Variants in SAXO1 observed in about 807,000 individuals in gnomAD.
SAXO1 encodes stabilizer of axonemal microtubules 1, also known as 4930500O09Rik.
Under a neutral mutation model 17.5 loss-of-function variants are expected in SAXO1, and 21 were observed. The ratio of observed to expected loss-of-function variants is 1.20; its 90% CI spans 0.85 to 1.72. SAXO1 has a LOEUF of 1.72. SAXO1 is among the 40% of genes most tolerant of loss of function. The probability of loss-of-function intolerance (pLI) is 0.00; values close to 1 mark genes in which losing one functional copy is unlikely to be tolerated. For synonymous variants in SAXO1, 274 were observed against 216.5 expected, an observed-to-expected ratio of 1.27 and a Z score of -2.33; for missense variants, 843 against 596.0, an observed-to-expected ratio of 1.41 and a Z score of -4.32.
chr9:18,987,703 A>T (rs1833652042), intron 1 of SAXO1, among the ~76,000 whole-genome samples: 1 of 152,116 alleles, frequency 6.6e-6, no homozygotes, highest in Non-Finnish European at 1.5e-5. Context: ...GCTCAAGGCC[A>T]GCCTGGGCAA....
chr9:18,985,768 T>C (rs1037698361), intron 1 of SAXO1, among the ~76,000 whole-genome samples: 2 of 152,228 alleles, frequency 1.3e-5, no homozygotes, highest in African/African-American at 2.4e-5. Context: ...GGTTTAACAA[T>C]TTTGATACAT....
At chr9:18,982,530 A>G (rs1022463954) in intron 1 of SAXO1, among the ~76,000 whole-genome samples, 1 of 152,194 alleles carries the variant, frequency 6.6e-6, no homozygotes, top group African/African-American at 2.4e-5. Flanking sequence ...CTGTCACTGG[A>G]TGACTTCCAA....
Position 19,025,455 on chromosome 9 carries a change from T to C in SAXO1, c.38+7416A>G, listed in dbSNP as rs533112784. ...ATTTCCATCGATATGAAGAAAATAT[T>C]TTCCAAAATTAAAATAACAAGTTCC... On this transcript the variant is annotated intron_variant, in intron 1 of 3. Transcript: ENST00000380534. Among the ~76,000 whole-genome samples the C allele has an allele frequency of 2.0e-5, 3 of 152,266 alleles. No homozygotes were observed. The South Asian group carries it at 6.2e-4, about 32-fold the overall frequency.
rs1836287490 is a variant in SAXO1 at position 19,049,025 on chromosome 9, G to A, written c.-158+184C>T. 6.6e-6 allele frequency among the ~76,000 whole-genome samples: 1 copy of A among 152,152 alleles called. No individual in the cohort carries two copies. Among genetic ancestry groups the A allele is most frequent in the Non-Finnish European group, 1.5e-5 (1 of 68,044 alleles). ...CCCTGCCCTTGTACTCACTGGGCCG[G>A]GCAAGCTGGGGAGGCCTAAGCGGAC... is the stretch of plus-strand genomic sequence containing the variant. On this transcript the variant is annotated intron_variant, in intron 1 of 3. Transcript: ENST00000542071. This position sits in a 1 kb window ranked among gnomAD's most constrained non-coding sequence, Gnocchi z 5.4.
intron 1 of SAXO1, among the ~76,000 whole-genome samples, chr9:18,982,858 A>T (rs1303084011): frequency 2.6e-5 from 4 of 152,226 alleles, no homozygotes; most frequent in Non-Finnish European, 5.9e-5. Flanking sequence ...ACTAAAAGCT[A>T]CAGTCTTAGA....
chr9:18,982,059 T>C (rs948650724), intron 1 of SAXO1, among the ~76,000 whole-genome samples: 12 of 152,148 alleles, frequency 7.9e-5, no homozygotes, highest in African/African-American at 2.9e-4. Context: ...CCTCACATGC[T>C]TCACTCTGTG....
At chr9:18,987,346 C>G (rs1274346296) in intron 1 of SAXO1, among the ~76,000 whole-genome samples, 1 of 152,198 alleles carries the variant, frequency 6.6e-6, no homozygotes, top group Non-Finnish European at 1.5e-5. Flanking sequence ...CAGCCCTGAT[C>G]ACTTAGCCAT....
chr9:18,999,915 C>T (rs1283844539), intron 1 of SAXO1, among the ~76,000 whole-genome samples: 9 of 139,618 alleles, frequency 6.4e-5, no homozygotes, highest in Admixed American at 4.3e-4. Flanking sequence ...AAGTGAGGAG[C>T]GCCTCTGCCC....
chr9:19,017,057 C>T (rs1835006570), intron 1 of SAXO1, among the ~76,000 whole-genome samples: 1 of 152,096 alleles, frequency 6.6e-6, no homozygotes, highest in African/African-American at 2.4e-5. Context: ...GCCTGTACTC[C>T]TAGCACTTTG....
chr9:18,941,593 C>T, intron 3 of SAXO1, 44 bp downstream of exon 3: 1 of 1,609,934 alleles, frequency 6.2e-7, no homozygotes, highest in Non-Finnish European at 8.5e-7. Context: ...CGCACACAGG[C>T]TCAGCCTGTC....
At chr9:19,019,572 T>A (rs764358062) in intron 1 of SAXO1, among the ~76,000 whole-genome samples, 33 of 151,760 alleles carry the variant, frequency 2.2e-4, no homozygotes, top group Non-Finnish European at 4.1e-4. Context: ...CTACAAAAAC[T>A]ACAAAAATTA....
chr9:19,008,913 C>G (rs554259539), intron 1 of SAXO1, among the ~76,000 whole-genome samples: 2 of 152,332 alleles, frequency 1.3e-5, no homozygotes, highest in Non-Finnish European at 2.9e-5. Context: ...GAGGGGAAAG[C>G]TGATCACAGC....
chr9:19,017,062 A>T (rs1222344689), intron 1 of SAXO1, among the ~76,000 whole-genome samples: 1 of 152,058 alleles, frequency 6.6e-6, no homozygotes, highest in Non-Finnish European at 1.5e-5. Context: ...TACTCCTAGC[A>T]CTTTGGGAGG....
chr9:18,998,971 G>C (rs1341290306), intron 1 of SAXO1, among the ~76,000 whole-genome samples: 2 of 152,132 alleles, frequency 1.3e-5, no homozygotes, highest in Non-Finnish European at 2.9e-5. Context: ...AATACAGAAA[G>C]GAACAACCAG....
intron 1 of SAXO1, among the ~76,000 whole-genome samples, chr9:19,007,176 A>G (rs925076035): frequency 2.0e-5 from 3 of 151,634 alleles, no homozygotes; most frequent in African/African-American, 4.9e-5. Context: ...GTGAAACCCC[A>G]TCTCTACTAA....
chr9:18,942,612 G>T (rs1291313240), intron 2 of SAXO1, among the ~76,000 whole-genome samples: 5 of 152,182 alleles, frequency 3.3e-5, no homozygotes, highest in Non-Finnish European at 7.3e-5. Context: ...CTGCTATCTG[G>T]TGTCTGCGCC....
chr9:19,021,987 G>A lies in SAXO1; in HGVS notation c.38+10884C>T, dbSNP rs115731236. ...CCTGCTCAGCAGTGGCAACTGGGTC[G>A]GGTCCCCTTCCCCATTGTGGAAGCT... On this transcript the variant is annotated intron_variant, in intron 1 of 3. Coordinates refer to ENST00000380534, the MANE Select transcript of SAXO1 (RefSeq NM_153707.4). 7.6e-3 allele frequency among the ~76,000 whole-genome samples: 1,161 copies of A among 152,298 alleles called. 15 individuals carry two copies. Among genetic ancestry groups the A allele is most frequent in the African/African-American group, 0.026 (1,080 of 41,560 alleles).
Position 18,947,005 on chromosome 9 carries a change from G to A in SAXO1, c.218+3753C>T, listed in dbSNP as rs117744911. ...GGGAAAAGAAGTGAACAGAGCATCC[G>A]TGAAAGAAAAATTACTTGAAGAAAT... On this transcript the variant is annotated intron_variant, in intron 2 of 3. Transcript: ENST00000380534. Among the ~76,000 whole-genome samples the A allele has an allele frequency of 9.7e-4, 147 of 151,312 alleles. 1 individual carries two copies. In the South Asian group the frequency reaches 0.016, roughly 16 times the overall value.
intron 1 of SAXO1, among the ~76,000 whole-genome samples, chr9:19,004,763 T>C (rs1054370499): frequency 5.3e-5 from 8 of 152,126 alleles, no homozygotes; most frequent in African/African-American, 1.9e-4. Context: ...AAATACCTAA[T>C]GTAAACGATG....
Sources: gnomAD v4.1 joint callset for allele counts (sites outside exome capture counted in the v4.1 genomes callset) on GRCh38, gnomAD v4.1.1 for gene constraint, Gnocchi (gnomAD v3.1) non-coding constraint, MANE v1.5 for transcripts, NCBI Gene and HGNC (gene_info 2026-07-23, HGNC 2026-07-21) for gene names.